Variants in GLI1 observed in about 807,000 individuals in gnomAD.
GLI1 encodes GLI family zinc finger 1, also known as transcription activator GLI1.
A neutral mutation model predicts 87.8 loss-of-function variants in GLI1; 51 were observed. The observed-to-expected ratio is 0.58, with a 90% confidence interval of 0.46 to 0.73. The LOEUF (loss-of-function observed/expected upper bound fraction) is 0.73, where lower values mean the gene tolerates loss of function less well. Among genes scored for constraint, GLI1 ranks in the 30% least tolerant of loss-of-function variants. The probability of loss-of-function intolerance (pLI) is 0.00; values close to 1 mark genes in which losing one functional copy is unlikely to be tolerated. For missense variants in GLI1, 1,292 were observed against 1,437.2 expected (o/e 0.90, Z 1.63); for synonymous variants, 528 against 558.2 (o/e 0.95, Z 0.76).
chr12:57,470,198 C>A, intron 11 of GLI1, 119 bp from the exon 12 acceptor site: 1 of 740,318 alleles, frequency 1.4e-6, no homozygotes, highest in Non-Finnish European at 2.3e-6. Flanking sequence ...ACAGAACAGA[C>A]TGGTTAGGGA....
intron 9 of GLI1, 29 bp downstream of exon 9, chr12:57,467,526 C>T: frequency 6.4e-7 from 1 of 1,560,948 alleles, no homozygotes. Context: ...CGACCCTCCC[C>T]TCTTGAGAAG....
intron 11 of GLI1, 82 bp downstream of exon 11, chr12:57,469,780 G>A (rs1317366439): frequency 1.6e-6 from 2 of 1,257,748 alleles, no homozygotes; most frequent in Non-Finnish European, 2.3e-6. Flanking sequence ...ACCCTTGAGG[G>A]CTGTCACACA....
Position 57,463,895 on chromosome 12 carries a change from C to T in GLI1, c.100+104C>T. On this transcript the variant is annotated intron_variant, in intron 2 of 11. Transcript: ENST00000228682. The stretch of plus-strand genomic sequence containing the variant: ...TTCCTATCTACAGGAGGATTTGAGG[C>T]CCCATGTCATATGGACCTGGAATCT... 7 of 1,082,080 alleles carry T rather than the reference C, an allele frequency of 6.5e-6. No individual in the cohort carries two copies. In the South Asian group the frequency reaches 9.0e-5, roughly 14 times the overall value. 67.0% of individuals were successfully genotyped at this position (1,082,080 alleles called of 1,614,324 possible).
rs770128594 is a variant in GLI1, at chr12:57,471,931, C to T, written c.3191C>T (p.Ser1064Phe). 1 of 1,612,474 alleles carries T rather than the reference C, an allele frequency of 6.2e-7. No individual in the cohort carries two copies. The highest frequency in any genetic ancestry group is 8.5e-7 in the Non-Finnish European group (1 of 1,179,138). The part of the protein sequence containing the change: ...DEPQGLSPPP[S>F]HDQRGSSGHT... Reference sequence around the variant, plus strand: ...CCCCAGGGGCTGAGTCCTCCTCCTTCCCATGATCAGCGGGGCAGCTCTGGA... The same window carrying T: ...CCCCAGGGGCTGAGTCCTCCTCCTTTCCATGATCAGCGGGGCAGCTCTGGA... The change falls in exon 12 of 12, where the codon TCC becomes TTC. Residue 1064 changes from serine to phenylalanine, a missense_variant. Around this residue, in one of 3 missense-constraint regions of GLI1, gnomAD observed 897 missense variants for 1,040.7 expected, o/e 0.86. Transcript: ENST00000228682. This position sits in a 1 kb window ranked among gnomAD's most constrained non-coding sequence, Gnocchi z 4.9.
Position 57,467,365 on chromosome 12 carries a change from C to T in GLI1, c.945C>T (p.Leu315=), listed in dbSNP as rs545825775. The part of the protein sequence containing the change: ...FEGCRKSYSR[L]ENLKTHLRSH... ...GGTGCCGGAAGTCATACTCACGCCTCGAAAACCTGAAGACGCACCTGCGGT... is the reference window on the plus strand; with the variant it reads ...GGTGCCGGAAGTCATACTCACGCCTTGAAAACCTGAAGACGCACCTGCGGT... The change falls in exon 9 of 12, where the codon CTC becomes CTT. Residue 315 remains leucine (L), a synonymous_variant. Coordinates refer to ENST00000228682, the MANE Select transcript of GLI1 (RefSeq NM_005269.3). The T allele has an allele frequency of 1.4e-5, 22 of 1,611,174 alleles. No individual in the cohort carries two copies. The African/African-American group carries it at 1.9e-4, about 14-fold the overall frequency.
chr12:57,464,175 C>T, intron 3 of GLI1, 84 bp downstream of exon 3: 1 of 925,412 alleles, frequency 1.1e-6, no homozygotes, highest in Non-Finnish European at 1.8e-6. Context: ...GGGGATCTCA[C>T]TTGGAGGAGG....
Position 57,471,543 on chromosome 12 carries a change from C to T in GLI1, c.2803C>T (p.Gln935Ter). Residue 935 changes from glutamine (Q) to a stop codon, truncating the protein, a stop_gained, in exon 12 of 12, where the codon CAG becomes TAG. Transcript: ENST00000228682. LOFTEE classifies it high-confidence loss of function. The surrounding 1 kb of genome is among the most constrained non-coding windows in gnomAD (Gnocchi z 4.9). The part of the protein sequence containing the change: ...YQSPKFLGGS[Q>*]VSPSRAKAPV... Reference sequence around the variant, plus strand: ...GAGTCCCAAGTTTCTGGGGGGTTCCCAGGTTAGCCCAAGCCGTGCTAAAGC... The same window carrying T: ...GAGTCCCAAGTTTCTGGGGGGTTCCTAGGTTAGCCCAAGCCGTGCTAAAGC... The T allele has an allele frequency of 1.9e-6, 3 of 1,613,100 alleles. No individual in the cohort carries two copies. Among genetic ancestry groups the T allele is most frequent in the Non-Finnish European group, 2.5e-6 (3 of 1,179,680 alleles).
intron 2 of GLI1, 103 bp from the exon 3 acceptor site, chr12:57,463,896 C>A: frequency 9.1e-7 from 1 of 1,098,228 alleles, no homozygotes; most frequent in Non-Finnish European, 1.4e-6. Flanking sequence ...GATTTGAGGC[C>A]CCATGTCATA....
In GLI1 at chr12:57,470,896, AC is replaced by A; in HGVS notation, c.2160del (p.Tyr721IlefsTer76). ...VGTSMVGSGL[N>X]PYMDFPPTDT... ...ACCTCCATGGTGGGCAGTGGTCTGA[AC>A]CCCTATATGGACTTCCCACCTACTG... On this transcript the variant is annotated frameshift_variant, in exon 12 of 12. Transcript: ENST00000228682. LOFTEE classifies it high-confidence loss of function. 6.2e-7 allele frequency: 1 copy of A among 1,613,342 alleles called. No homozygotes were observed. The highest frequency in any genetic ancestry group is 8.5e-7 in the Non-Finnish European group (1 of 1,179,606).
chr12:57,461,820 C>CG (rs1273959992), intron 1 of GLI1, among the ~76,000 whole-genome samples: 1 of 151,690 alleles, frequency 6.6e-6, no homozygotes, highest in Non-Finnish European at 1.5e-5. Context: ...AGTTGGGGAG[C>CG]GGGGGTGCGA....
rs551295845 is a variant in GLI1, at chr12:57,468,532, G to A, written c.1308+308G>A. ...CTTTCTGACAGAGTCTTGCTCTGTC[G>A]CCCAGGCTGGAGTGTAGTGGCATAA... On this transcript the variant is annotated intron_variant, in intron 10 of 11. Transcript: ENST00000228682. 2.5e-4 allele frequency among the ~76,000 whole-genome samples: 37 copies of A among 148,918 alleles called. No individual in the cohort carries two copies. In the East Asian group the frequency reaches 6.3e-3, roughly 25 times the overall value.
chr12:57,467,261 G>T, intron 8 of GLI1, 72 bp from the exon 9 acceptor site: 1 of 1,251,668 alleles, frequency 8.0e-7, no homozygotes, highest in South Asian at 1.4e-5. Context: ...TGTCCTGTTG[G>T]AGATTGAGGG....
At chr12:57,469,721 G>T in intron 11 of GLI1, 23 bp downstream of exon 11, 1 of 1,609,184 alleles carries the variant, frequency 6.2e-7, no homozygotes. Context: ...TGTGGGAGGT[G>T]TGGCTGGGGT....
At chr12:57,465,353 G>A (rs944829840) in intron 5 of GLI1, 98 bp downstream of exon 5, 1 of 1,153,176 alleles carries the variant, frequency 8.7e-7, no homozygotes, top group Non-Finnish European at 1.2e-6. Context: ...AGGGATATAA[G>A]TTTTCAGTAC....
intron 10 of GLI1, among the ~76,000 whole-genome samples, chr12:57,469,118 C>T (rs1312609182): frequency 6.6e-6 from 1 of 152,170 alleles, no homozygotes; most frequent in Non-Finnish European, 1.5e-5. Context: ...ATGTACTCCT[C>T]ACAGCAACTT....
At position 57,460,020 on chromosome 12, in the gene GLI1, TGGTCCGGGCTTGCGGCCCGGC is replaced by T. The variant is rs1371642726; in HGVS notation, c.-206_-186del. On this transcript the variant is annotated 5_prime_UTR_variant, in exon 1 of 12. Coordinates refer to ENST00000228682, the MANE Select transcript of GLI1 (RefSeq NM_005269.3). ...AAAAAAAGTTTGCGCTTCTCGCGGG[TGGTCCGGGCTTGCGGCCCGGC>T]GGGCTGGGCCGGCGGGAGGGCTGGG... The T allele has an allele frequency of 3.1e-5, 4 of 130,390 alleles. No individual in the cohort carries two copies. The East Asian group carries it at 1.0e-3, about 32-fold the overall frequency. 8.1% of individuals were successfully genotyped at this position (130,390 alleles called of 1,614,324 possible). A position where few individuals can be genotyped will look rare whatever the true frequency, so the allele number is the denominator to read the frequency against.
In GLI1 at chr12:57,463,671, C is replaced by CA; in HGVS notation, c.-20dup. The CA allele has an allele frequency of 1.3e-6, 2 of 1,500,138 alleles. No individual in the cohort carries two copies. The highest frequency in any genetic ancestry group is 9.3e-7 in the Non-Finnish European group (1 of 1,077,984). The allele number at this position is 1,500,138 out of a possible 1,614,324, so 92.9% of individuals were successfully genotyped here. ...CTACCTTCCCTTTCTGCAGTGTCCC[C>CA]ACACCCTCCTCTGAGACGCCATGTT... is the stretch of plus-strand genomic sequence containing the variant. On this transcript the variant is annotated 5_prime_UTR_variant, in exon 2 of 12. Coordinates refer to ENST00000228682, the MANE Select transcript of GLI1 (RefSeq NM_005269.3).
At position 57,464,749 on chromosome 12, in the gene GLI1, T is replaced by C; in HGVS notation, c.270T>C (p.Asp90=). 6.2e-7 allele frequency: 1 copy of C among 1,614,030 alleles called. No individual in the cohort carries two copies. The highest frequency in any genetic ancestry group is 1.1e-5 in the South Asian group (1 of 91,082). The stretch of plus-strand genomic sequence containing the variant: ...CACTGTCCATCTCACCTCTGTCGGA[T>C]GCCAGCCTGGACCTGCAGACGGTTA... ...KRALSISPLS[D]ASLDLQTVIR... is the part of the protein sequence containing the mutation. Residue 90 remains aspartate, a synonymous_variant, in exon 4 of 12, where the codon GAT becomes GAC. Transcript: ENST00000228682.
chr12:57,464,026 A>C lies in GLI1; in HGVS notation c.128A>C (p.Gln43Pro). Residue 43 changes from glutamine (Q) to proline (P), a missense_variant, in exon 3 of 12, where the codon CAA (glutamine) becomes CCA (proline). Gln to Pro is a moderately conservative substitution (Grantham distance 76). This residue lies in a region of GLI1 where 383 missense variants were observed against 368.4 expected (regional missense o/e 1.04). Transcript: ENST00000228682. ...EGLSGPPFCH[Q>P]ANLMSGPHSY... ...CTGTCTGGCCCGCCCTTCTGCCACCAAGCTAACCTCATGTCCGGCCCCCAC... is the reference window on the plus strand; with the variant it reads ...CTGTCTGGCCCGCCCTTCTGCCACCCAGCTAACCTCATGTCCGGCCCCCAC... The C allele has an allele frequency of 6.2e-7, 1 of 1,613,826 alleles. No individual in the cohort carries two copies. The highest frequency in any genetic ancestry group is 8.5e-7 in the Non-Finnish European group (1 of 1,179,764).
Sources: gnomAD v4.1 joint callset for allele counts (sites outside exome capture counted in the v4.1 genomes callset) on GRCh38, gnomAD v4.1.1 for gene constraint, gnomAD v4.1.1 regional missense constraint, Gnocchi (gnomAD v3.1) non-coding constraint, MANE v1.5 for transcripts, NCBI Gene and HGNC (gene_info 2026-07-23, HGNC 2026-07-21) for gene names.